The following PRKCA variants were observed in gnomAD, a reference collection of about 807,000 sequenced individuals.
PRKCA encodes protein kinase C alpha type.
PRKCA carries 27 observed loss-of-function variants against 87.0 expected under a neutral mutation model. The ratio of observed to expected loss-of-function variants is 0.31; its 90% CI spans 0.23 to 0.43. The LOEUF is 0.43. Ranked by LOEUF, PRKCA falls within the 20% of genes least tolerant of loss-of-function variation. The pLI, the probability that PRKCA is intolerant of heterozygous loss-of-function variation, is 1.00. For missense variants in PRKCA, 518 were observed against 852.3 expected, an observed-to-expected ratio of 0.61 and a Z score of 4.88; for synonymous variants, 329 against 311.1, an observed-to-expected ratio of 1.06 and a Z score of -0.61.
intron 2 of PRKCA, among the ~76,000 whole-genome samples, chr17:66,387,182 T>C (rs1347440165): frequency 6.6e-6 from 1 of 152,210 alleles, no homozygotes; most frequent in Non-Finnish European, 1.5e-5. Flanking sequence ...ATGTTCCTTT[T>C]CACTGGGTAG....
At chr17:66,431,744 G>T (rs565889547) in intron 2 of PRKCA, among the ~76,000 whole-genome samples, 1 of 152,100 alleles carries the variant, frequency 6.6e-6, no homozygotes, top group Non-Finnish European at 1.5e-5. Flanking sequence ...TGATTCCTGA[G>T]TTGGACACAT....
chr17:66,702,883 T>G (rs969665188), intron 8 of PRKCA, among the ~76,000 whole-genome samples: 3 of 152,288 alleles, frequency 2.0e-5, no homozygotes, highest in African/African-American at 7.2e-5. Context: ...CTGACTGCTG[T>G]AGGCAACTGT....
intron 3 of PRKCA, among the ~76,000 whole-genome samples, chr17:66,518,573 A>C (rs1050785463): frequency 2.0e-5 from 3 of 152,224 alleles, no homozygotes; most frequent in Non-Finnish European, 4.4e-5. Context: ...GAATCTTCTT[A>C]GGGAAATTGA....
chr17:66,365,607 C>G (rs1317774742), intron 2 of PRKCA, among the ~76,000 whole-genome samples: 2 of 151,480 alleles, frequency 1.3e-5, no homozygotes, highest in Non-Finnish European at 2.9e-5. Flanking sequence ...TCTTTGTATA[C>G]TCTTTGGTAC....
chr17:66,488,065 G>A lies in PRKCA; in HGVS notation c.206-8136G>A, dbSNP rs1916061939. Among the ~76,000 whole-genome samples the A allele has an allele frequency of 2.0e-5, 3 of 152,216 alleles. No homozygotes were observed. The South Asian group carries it at 6.2e-4, about 32-fold the overall frequency. ...AAAACCCCTGTTTAAACAACATGAAGAGTAGTTTCTCCTCTTTGAGCTCGT... is the reference window on the plus strand; with the variant it reads ...AAAACCCCTGTTTAAACAACATGAAAAGTAGTTTCTCCTCTTTGAGCTCGT... On this transcript the variant is annotated intron_variant, in intron 2 of 16. Coordinates refer to ENST00000413366, the MANE Select transcript of PRKCA (RefSeq NM_002737.3).
At chr17:66,468,170 T>A (rs1277246855) in intron 2 of PRKCA, among the ~76,000 whole-genome samples, 1 of 152,262 alleles carries the variant, frequency 6.6e-6, no homozygotes, top group Non-Finnish European at 1.5e-5. Flanking sequence ...ACATTTTGGC[T>A]TAAAGAAATG....
chr17:66,359,432 C>T (rs898334457), intron 2 of PRKCA, among the ~76,000 whole-genome samples: 6 of 152,114 alleles, frequency 3.9e-5, no homozygotes, highest in African/African-American at 1.4e-4. Context: ...GTTTTCCTGC[C>T]TGCTTAGGAA....
chr17:66,355,408 T>A (rs1281957529), intron 2 of PRKCA, among the ~76,000 whole-genome samples: 1 of 152,180 alleles, frequency 6.6e-6, no homozygotes, highest in African/African-American at 2.4e-5. Flanking sequence ...TGTGCAGTGG[T>A]GATGGAGCTC....
At chr17:66,721,816 G>T (rs1467262627) in intron 8 of PRKCA, among the ~76,000 whole-genome samples, 1 of 152,138 alleles carries the variant, frequency 6.6e-6, no homozygotes, top group South Asian at 2.1e-4. Context: ...CTGACCTCTT[G>T]TTTTATCCTG....
chr17:66,569,194 AACAT>A (rs1415840843), intron 3 of PRKCA, among the ~76,000 whole-genome samples: 1 of 152,298 alleles, frequency 6.6e-6, no homozygotes, highest in East Asian at 1.9e-4. Flanking sequence ...TGTTAATTGA[AACAT>A]CAAAGAATGA....
intron 2 of PRKCA, among the ~76,000 whole-genome samples, chr17:66,306,833 T>C (rs1395830166): frequency 6.6e-6 from 1 of 152,206 alleles, no homozygotes; most frequent in African/African-American, 2.4e-5. Context: ...AAACCCACTT[T>C]AGAGCTTGTG....
chr17:66,447,032 G>A (rs1310019485), intron 2 of PRKCA, among the ~76,000 whole-genome samples: 1 of 152,164 alleles, frequency 6.6e-6, no homozygotes. Flanking sequence ...CCCTTCCAGT[G>A]TAAGAAGTAG....
chr17:66,633,883 T>C (rs1321221404), intron 3 of PRKCA, among the ~76,000 whole-genome samples: 1 of 152,238 alleles, frequency 6.6e-6, no homozygotes, highest in Non-Finnish European at 1.5e-5. Flanking sequence ...CATAGCTAGA[T>C]TAGTCTCCAG....
intron 8 of PRKCA, among the ~76,000 whole-genome samples, 177 bp from the exon 9 acceptor site, chr17:66,732,511 T>G (rs567788383): frequency 6.6e-6 from 1 of 152,230 alleles, no homozygotes. Flanking sequence ...TGACTTTCCC[T>G]GTAGGGTGAG....
rs140692751 is a variant in PRKCA, at chr17:66,378,671, G to A, written c.205+72544G>A. On this transcript the variant is annotated intron_variant, in intron 2 of 16. Transcript: ENST00000413366. ...TCCTAGCACTTTGGGAGACCAAGGC[G>A]GGCAAATCATTGAGGCCAGGAGTTC... Among the ~76,000 whole-genome samples, 88 of 152,216 alleles carry A rather than the reference G, an allele frequency of 5.8e-4. 5 individuals are homozygous for A. The East Asian group carries it at 7.1e-3, about 12-fold the overall frequency.
At chr17:66,732,466 C>T (rs1973925819) in intron 8 of PRKCA, among the ~76,000 whole-genome samples, 1 of 152,210 alleles carries the variant, frequency 6.6e-6, no homozygotes, top group Non-Finnish European at 1.5e-5. Flanking sequence ...AAAGAGTTGT[C>T]TCTTAATAGG....
intron 2 of PRKCA, among the ~76,000 whole-genome samples, chr17:66,394,794 G>GGGGCTCTTTCCCCTGCT (rs1462611814): frequency 2.0e-5 from 3 of 152,108 alleles, no homozygotes; most frequent in Non-Finnish European, 2.9e-5. Flanking sequence ...TTCTATATAA[G>GGGGCTCTTTCCCCTGCT]GGGCTCTTTC....
intron 8 of PRKCA, among the ~76,000 whole-genome samples, chr17:66,716,990 G>C (rs1184345992): frequency 1.3e-5 from 2 of 152,058 alleles, no homozygotes; most frequent in African/African-American, 4.8e-5. Context: ...CCATTGTATG[G>C]CTGCAAAATT....
intron 3 of PRKCA, among the ~76,000 whole-genome samples, chr17:66,619,909 C>T (rs952017536): frequency 4.6e-5 from 7 of 151,970 alleles, no homozygotes; most frequent in South Asian, 4.1e-4. Flanking sequence ...TATAAAGTCA[C>T]GAAGGAGACT....
Sources: allele counts gnomAD v4.1 joint callset (sites outside exome capture counted in the v4.1 genomes callset), GRCh38; gene constraint gnomAD v4.1.1; transcripts MANE v1.5; gene names NCBI Gene and HGNC (gene_info 2026-07-23, HGNC 2026-07-21).